PLXDC2: variants seen among roughly 807,000 people sequenced by gnomAD.
The protein encoded by PLXDC2 is plexin domain containing 2, also known as plexin domain-containing protein 2.
A neutral mutation model predicts 68.9 loss-of-function variants in PLXDC2; 40 were observed. The observed-to-expected ratio is 0.58, with a 90% confidence interval of 0.45 to 0.76. The LOEUF (loss-of-function observed/expected upper bound fraction) is 0.76, where lower values mean the gene tolerates loss of function less well. PLXDC2 is among the 30% of genes least tolerant of loss of function. PLXDC2 has a pLI of 0.00. For missense variants in PLXDC2, 644 were observed against 661.9 expected (o/e 0.97, Z 0.30); for synonymous variants, 243 against 234.2 (o/e 1.04, Z -0.34).
intron 1 of PLXDC2, among the ~76,000 whole-genome samples, chr10:19,968,575 A>C (rs1834302568): frequency 6.6e-6 from 1 of 152,138 alleles, no homozygotes; most frequent in African/African-American, 2.4e-5. Flanking sequence ...GGCCGCCCAA[A>C]GTGCTGGGAA....
At chr10:19,951,322 C>T (rs745781584) in intron 1 of PLXDC2, among the ~76,000 whole-genome samples, 8 of 152,056 alleles carry the variant, frequency 5.3e-5, no homozygotes. Flanking sequence ...AAAAAGTAGG[C>T]AAAAGGCATA....
At chr10:20,241,299 C>T (rs1835512772) in intron 12 of PLXDC2, among the ~76,000 whole-genome samples, 1 of 152,174 alleles carries the variant, frequency 6.6e-6, no homozygotes, top group Non-Finnish European at 1.5e-5. Context: ...AACTTATGCC[C>T]TGCAGGACAA....
intron 1 of PLXDC2, among the ~76,000 whole-genome samples, chr10:19,999,599 G>A (rs76069682): frequency 0.026 from 4,022 of 152,104 alleles, 99 homozygotes; most frequent in Admixed American, 0.059. Context: ...ATGACTCTTT[G>A]TGTTTGCATA....
At chr10:20,165,502 C>T (rs1834362857) in intron 7 of PLXDC2, among the ~76,000 whole-genome samples, 1 of 151,188 alleles carries the variant, frequency 6.6e-6, no homozygotes, top group Admixed American at 6.6e-5. Flanking sequence ...TTGTTCAATT[C>T]CCACCTATGA....
chr10:19,825,264 T>C (rs1836549334), intron 1 of PLXDC2, among the ~76,000 whole-genome samples: 1 of 152,156 alleles, frequency 6.6e-6, no homozygotes, highest in African/African-American at 2.4e-5. Context: ...TCTCGTCCTG[T>C]AGGTAAGGTG....
At position 20,164,474 on chromosome 10, in the gene PLXDC2, G is replaced by A. The variant is rs755697945; in HGVS notation, c.790G>A (p.Val264Ile). ...RIIFGYKEIP[V>I]LVTQISSTNH... is the part of the protein sequence containing the mutation. ...CTGCTTTGTTTTTTTCCAGATTCCT[G>A]TCTTGGTCACACAGATAAGTTCAAC... The change falls in exon 7 of 14, where the codon GTC becomes ATC. Residue 264 changes from valine (V) to isoleucine (I), a missense_variant. Physicochemically the swap from Val to Ile is conservative, Grantham distance 29 (BLOSUM62 3). Around this residue, in one of 3 missense-constraint regions of PLXDC2, gnomAD observed 330 missense variants for 327.9 expected, o/e 1.01. Transcript: ENST00000377252. 7 of 1,611,764 alleles carry A rather than the reference G, an allele frequency of 4.3e-6. No homozygotes were observed. The Admixed American group carries it at 8.3e-5, about 19-fold the overall frequency.
At chr10:19,911,035 A>T (rs1782660383) in intron 1 of PLXDC2, among the ~76,000 whole-genome samples, 1 of 150,082 alleles carries the variant, frequency 6.7e-6, no homozygotes. Flanking sequence ...AACAAAACAA[A>T]AAAGAATAGC....
At chr10:19,929,953 A>G (rs548841086) in intron 1 of PLXDC2, among the ~76,000 whole-genome samples, 1 of 152,306 alleles carries the variant, frequency 6.6e-6, no homozygotes, top group East Asian at 1.9e-4. Flanking sequence ...TGCACAATCC[A>G]GAAGGAAAAT....
At chr10:19,879,229 A>G (rs1046140727) in intron 1 of PLXDC2, among the ~76,000 whole-genome samples, 2 of 152,178 alleles carry the variant, frequency 1.3e-5, no homozygotes, top group Non-Finnish European at 2.9e-5. Flanking sequence ...TAAAGAAGAA[A>G]ATGTGAAGTG....
At chr10:20,021,481 T>C (rs1835308484) in intron 2 of PLXDC2, among the ~76,000 whole-genome samples, 1 of 151,956 alleles carries the variant, frequency 6.6e-6, no homozygotes, top group Admixed American at 6.6e-5. Flanking sequence ...TTTTAGACAT[T>C]TTAATTGATT....
chr10:19,954,161 T>G (rs544071551), intron 1 of PLXDC2, among the ~76,000 whole-genome samples: 2 of 152,240 alleles, frequency 1.3e-5, no homozygotes, highest in South Asian at 4.1e-4. Context: ...TGTGGGCTTA[T>G]CTTTTAAAGC....
chr10:20,219,060 C>T lies in PLXDC2; in HGVS notation c.1274-4C>T, dbSNP rs184453481. The T allele has an allele frequency of 5.0e-6, 8 of 1,607,100 alleles. No homozygotes were observed. The African/African-American group carries it at 1.1e-4, about 22-fold the overall frequency. ...GTTATAGTAACTTTGAATTTCTCTT[C>T]CAGATGATACCAAGATAGCACTACA... On this transcript the variant is annotated splice_region_variant and splice_polypyrimidine_tract_variant and intron_variant, in intron 11 of 13. Transcript: ENST00000377252.
At chr10:20,021,677 T>A (rs1379634587) in intron 2 of PLXDC2, among the ~76,000 whole-genome samples, 1 of 118,882 alleles carries the variant, frequency 8.4e-6, no homozygotes, top group African/African-American at 2.6e-5. Flanking sequence ...CATTTTTTTT[T>A]ATTATTTATT....
At chr10:20,258,734 G>A (rs751268591) in intron 13 of PLXDC2, among the ~76,000 whole-genome samples, 2 of 151,984 alleles carry the variant, frequency 1.3e-5, no homozygotes, top group African/African-American at 2.4e-5. Flanking sequence ...CTGGCCGGGT[G>A]CGGTGGCTCA....
chr10:19,857,367 T>C (rs1837233943), intron 1 of PLXDC2, among the ~76,000 whole-genome samples: 1 of 152,220 alleles, frequency 6.6e-6, no homozygotes, highest in African/African-American at 2.4e-5. Flanking sequence ...TGTATTAATA[T>C]TAAAATTGCA....
At chr10:20,005,486 A>G (rs1835012394) in intron 2 of PLXDC2, among the ~76,000 whole-genome samples, 1 of 152,120 alleles carries the variant, frequency 6.6e-6, no homozygotes, top group Non-Finnish European at 1.5e-5. Flanking sequence ...CTTCCTATAA[A>G]GAAATACCGA....
intron 9 of PLXDC2, among the ~76,000 whole-genome samples, chr10:20,196,361 C>G (rs1048903923): frequency 2.0e-5 from 3 of 152,130 alleles, no homozygotes; most frequent in African/African-American, 7.2e-5. Flanking sequence ...ATAATAACAT[C>G]TTATTTTCAG....
intron 1 of PLXDC2, among the ~76,000 whole-genome samples, chr10:19,980,273 G>T (rs1834531212): frequency 6.6e-6 from 1 of 152,152 alleles, no homozygotes; most frequent in Admixed American, 6.5e-5. Context: ...ACAGATTTTT[G>T]CAAGTTGTAC....
chr10:19,817,576 G>C (rs1444359379), intron 1 of PLXDC2, among the ~76,000 whole-genome samples: 1 of 152,162 alleles, frequency 6.6e-6, no homozygotes, highest in East Asian at 1.9e-4. Flanking sequence ...TAAACTAAGC[G>C]TGTGTGGTAT....
Sources: gnomAD v4.1 joint callset for allele counts (sites outside exome capture counted in the v4.1 genomes callset) on GRCh38, gnomAD v4.1.1 for gene constraint, gnomAD v4.1.1 regional missense constraint, MANE v1.5 for transcripts, NCBI Gene and HGNC (gene_info 2026-07-23, HGNC 2026-07-21) for gene names.